The following PTPRA variants were observed in gnomAD, a reference collection of about 807,000 sequenced individuals.
PTPRA encodes protein tyrosine phosphatase receptor type A, also known as receptor-type tyrosine-protein phosphatase alpha.
PTPRA carries 25 observed loss-of-function variants against 104.8 expected under a neutral mutation model. The observed-to-expected ratio is 0.24, with a 90% CI of 0.17 to 0.33. The LOEUF (loss-of-function observed/expected upper bound fraction) is 0.33, where lower values mean the gene tolerates loss of function less well. PTPRA is among the 10% of genes least tolerant of loss of function. The pLI is 1.00. For missense variants in PTPRA, 765 were observed against 1,015.3 expected (o/e 0.75, Z 3.35); for synonymous variants, 323 against 368.9 (o/e 0.88, Z 1.43).
chr20:2,978,923 G>A (rs765631210), intron 6 of PTPRA, among the ~76,000 whole-genome samples: 11 of 152,210 alleles, frequency 7.2e-5, no homozygotes, highest in Non-Finnish European at 1.6e-4. Flanking sequence ...TAGGAAGCTG[G>A]ACTGAGGTTC....
At chr20:3,036,504 G>A (rs981926486) in intron 22 of PTPRA, among the ~76,000 whole-genome samples, 1 of 152,246 alleles carries the variant, frequency 6.6e-6, no homozygotes, top group Non-Finnish European at 1.5e-5. Context: ...ATGGGCCTGA[G>A]ATGCCAGTTT....
intron 11 of PTPRA, among the ~76,000 whole-genome samples, chr20:3,011,811 G>A (rs1202053805): frequency 2.0e-5 from 3 of 152,222 alleles, no homozygotes; most frequent in Non-Finnish European, 2.9e-5. Context: ...GGAAGAGCCA[G>A]TGAGCCAAGC....
At chr20:2,947,009 G>A (rs1464963568) in intron 2 of PTPRA, among the ~76,000 whole-genome samples, 1 of 152,126 alleles carries the variant, frequency 6.6e-6, no homozygotes, top group Non-Finnish European at 1.5e-5. Context: ...TGCCTGAGAT[G>A]TGAGCTCCTT....
At chr20:2,930,932 G>A (rs1253807627) in intron 2 of PTPRA, among the ~76,000 whole-genome samples, 1 of 152,062 alleles carries the variant, frequency 6.6e-6, no homozygotes, top group Non-Finnish European at 1.5e-5. Flanking sequence ...CAAATCTATT[G>A]TTTATTCAGT....
intron 12 of PTPRA, among the ~76,000 whole-genome samples, chr20:3,016,222 G>A (rs2064440387): frequency 6.6e-6 from 1 of 152,174 alleles, no homozygotes; most frequent in African/African-American, 2.4e-5. Context: ...GTTTGAATTA[G>A]GAATCAGTTT....
At chr20:3,005,249 T>TC in intron 10 of PTPRA, 103 bp downstream of exon 10, 1 of 1,151,744 alleles carries the variant, frequency 8.7e-7, no homozygotes, top group African/African-American at 1.5e-5. Context: ...GCAGGGTGAA[T>TC]AACAAGAGTG....
intron 1 of PTPRA, among the ~76,000 whole-genome samples, chr20:2,903,603 G>A (rs963269908): frequency 7.2e-5 from 11 of 152,028 alleles, no homozygotes; most frequent in Admixed American, 4.6e-4. Flanking sequence ...CAGGAGGATC[G>A]CTTGAGCCCA....
intron 5 of PTPRA, among the ~76,000 whole-genome samples, chr20:2,968,319 GT>G (rs1421835123): frequency 3.3e-5 from 5 of 152,088 alleles, no homozygotes; most frequent in Non-Finnish European, 7.4e-5. Flanking sequence ...ATCCCTAATT[GT>G]TTGTATGCTT....
At chr20:2,995,406 C>G (rs2063358304) in intron 9 of PTPRA, among the ~76,000 whole-genome samples, 1 of 152,184 alleles carries the variant, frequency 6.6e-6, no homozygotes, top group Non-Finnish European at 1.5e-5. Flanking sequence ...GCATGAGCTA[C>G]TGTGCCTGGC....
intron 9 of PTPRA, among the ~76,000 whole-genome samples, chr20:2,991,637 C>G (rs1468535838): frequency 6.6e-6 from 1 of 152,080 alleles, no homozygotes; most frequent in African/African-American, 2.4e-5. Context: ...TTCAGTAAAT[C>G]CCTGGATGGT....
chr20:3,030,103 G>A (rs917654583), intron 20 of PTPRA, among the ~76,000 whole-genome samples: 28 of 152,214 alleles, frequency 1.8e-4, no homozygotes, highest in African/African-American at 6.0e-4. Flanking sequence ...CTGGAACCAC[G>A]AGCACAAGGA....
intron 1 of PTPRA, 54 bp from the exon 2 acceptor site, chr20:2,923,153 C>T: frequency 1.3e-6 from 1 of 767,948 alleles, no homozygotes; most frequent in Admixed American, 3.9e-5. Context: ...TAAGCTAGAA[C>T]AATCTGCTCA....
chr20:2,883,772 CT>C (rs1483143495), intron 1 of PTPRA, among the ~76,000 whole-genome samples: 1 of 151,180 alleles, frequency 6.6e-6, no homozygotes, highest in African/African-American at 2.4e-5. Context: ...TAAAATTCTC[CT>C]TTTTAAAATG....
At chr20:2,926,312 C>G (rs76473052) in intron 2 of PTPRA, among the ~76,000 whole-genome samples, 1 of 152,164 alleles carries the variant, frequency 6.6e-6, no homozygotes, top group Non-Finnish European at 1.5e-5. Context: ...AGAAGTCTTG[C>G]GGGCTGTGCG....
the PTPRA span, chr20:2,866,768 G>T: frequency 2.5e-6 from 2 of 793,408 alleles, no homozygotes; most frequent in Non-Finnish European, 3.9e-6. Context: ...CTAAGCAAAG[G>T]CAAGCTCAAG....
intron 5 of PTPRA, among the ~76,000 whole-genome samples, chr20:2,974,649 C>T (rs1369460064): frequency 2.6e-5 from 4 of 152,026 alleles, no homozygotes; most frequent in African/African-American, 7.2e-5. Flanking sequence ...AGGCTGGTCT[C>T]GAACTCCTGA....
chr20:2,970,180 A>T (rs1375382401), intron 5 of PTPRA, among the ~76,000 whole-genome samples: 1 of 152,200 alleles, frequency 6.6e-6, no homozygotes, highest in East Asian at 1.9e-4. Flanking sequence ...ATCAGTGGAC[A>T]CTAAGATTGT....
At chr20:3,010,248 C>T (rs1472554726) in intron 11 of PTPRA, among the ~76,000 whole-genome samples, 2 of 152,146 alleles carry the variant, frequency 1.3e-5, no homozygotes, top group Admixed American at 1.3e-4. Flanking sequence ...AAACCAGGTG[C>T]TTCCATCTTT....
rs142053518 is a variant in PTPRA at position 2,990,365 on chromosome 20, C to T, written c.738+1891C>T. Among the ~76,000 whole-genome samples the T allele has an allele frequency of 1.8e-3, 279 of 152,228 alleles. No homozygotes were observed. The South Asian group carries it at 0.023, about 13-fold the overall frequency. On this transcript the variant is annotated intron_variant, in intron 9 of 23. Coordinates refer to ENST00000399903, the MANE Select transcript of PTPRA (RefSeq NM_001385305.1). Reference sequence around the variant, plus strand: ...TCTTGTCACATGCTCCTTCTTAAACCGGTCGTGAGCAAGGGAGAAAATAAG... The same window carrying T: ...TCTTGTCACATGCTCCTTCTTAAACTGGTCGTGAGCAAGGGAGAAAATAAG...
Sources: allele counts gnomAD v4.1 joint callset (sites outside exome capture counted in the v4.1 genomes callset), GRCh38; gene constraint gnomAD v4.1.1; transcripts MANE v1.5; gene names NCBI Gene and HGNC (gene_info 2026-07-23, HGNC 2026-07-21).